CRISPLD2: variants seen among roughly 807,000 people sequenced by gnomAD.
CRISPLD2 encodes the protein cysteine-rich secretory protein LCCL domain-containing 2.
A neutral mutation model predicts 71.1 loss-of-function variants in CRISPLD2; 47 were observed. The ratio of observed to expected loss-of-function variants is 0.66; its 90% CI spans 0.52 to 0.84. The LOEUF (loss-of-function observed/expected upper bound fraction) is 0.84. Among genes scored for constraint, CRISPLD2 ranks in the 40% least tolerant of loss-of-function variants. The probability of loss-of-function intolerance (pLI) is 0.00; values close to 1 mark genes in which losing one functional copy is unlikely to be tolerated. For synonymous variants in CRISPLD2, 317 were observed against 250.1 expected (o/e 1.27, Z -2.52); for missense variants, 830 against 651.1 (o/e 1.27, Z -2.99).
chr16:84,881,028 A>G (rs1270761375), intron 13 of CRISPLD2, among the ~76,000 whole-genome samples: 1 of 152,028 alleles, frequency 6.6e-6, no homozygotes, highest in East Asian at 1.9e-4. Flanking sequence ...AGTTTAGACC[A>G]CTCATTTCTG....
rs1217961484 is a variant in CRISPLD2, at chr16:84,850,552, A to T, written c.493-16A>T. ...CTTATCCCTCGAGCTGTGACACACA[A>T]ATGTCATCTTTTCAGATAGTTTGGG... is the stretch of plus-strand genomic sequence containing the variant. On this transcript the variant is annotated splice_polypyrimidine_tract_variant and intron_variant, in intron 4 of 14. Transcript: ENST00000262424. 1 of 1,609,566 alleles carries T rather than the reference A, an allele frequency of 6.2e-7. No individual in the cohort carries two copies. The highest frequency in any genetic ancestry group is 1.3e-5 in the African/African-American group (1 of 74,948).
At chr16:84,866,716 C>G (rs1230796302) in intron 6 of CRISPLD2, among the ~76,000 whole-genome samples, 181 bp from the exon 7 acceptor site, 1 of 152,200 alleles carries the variant, frequency 6.6e-6, no homozygotes, top group African/African-American at 2.4e-5. Context: ...CTCATCTGGG[C>G]TGGTAGAATT....
At chr16:84,841,416 G>A (rs1302717191) in intron 2 of CRISPLD2, among the ~76,000 whole-genome samples, 1 of 152,244 alleles carries the variant, frequency 6.6e-6, no homozygotes, top group African/African-American at 2.4e-5. Flanking sequence ...CTGAGGGAGT[G>A]AGGCCATTGG....
chr16:84,837,609 G>A (rs1354304928), intron 1 of CRISPLD2, among the ~76,000 whole-genome samples: 1 of 150,444 alleles, frequency 6.6e-6, no homozygotes, highest in Non-Finnish European at 1.5e-5. Context: ...AGTAGAGACA[G>A]GGTTTCATCG....
chr16:84,907,265 A>AGGCCCCCTTCAAT lies in CRISPLD2; in HGVS notation c.*628_*640dup, dbSNP rs909448541. 4.3e-5 allele frequency: 7 copies of AGGCCCCCTTCAAT among 162,354 alleles called. No homozygotes were observed. The highest frequency in any genetic ancestry group is 1.7e-4 in the African/African-American group (7 of 41,666). The allele number at this position is 162,354 out of a possible 1,614,324, so 10.1% of individuals were successfully genotyped here. On this transcript the variant is annotated 3_prime_UTR_variant, in exon 15 of 15. Transcript: ENST00000262424. ...CGTGTCCTTGCTGGCGGCCCGCCAC[A>AGGCCCCCTTCAAT]GGCCCCCTTCAATGGCCGCATTCAG...
rs1256535272 is a variant in CRISPLD2 at position 84,873,278 on chromosome 16, G to A, written c.1112+156G>A. ...GGATCACCTGAGGTCAGGAGTTCAA[G>A]ACCAGCCTGACCAACATGGTGAAAG... On this transcript the variant is annotated intron_variant, in intron 10 of 14. Coordinates refer to ENST00000262424, the MANE Select transcript of CRISPLD2 (RefSeq NM_031476.4). 9 of 703,064 alleles carry A rather than the reference G, an allele frequency of 1.3e-5. 1 individual carries two copies. The highest frequency in any genetic ancestry group is 9.3e-5 in the African/African-American group (5 of 53,614). The allele number at this position is 703,064 out of a possible 1,614,324, so 43.6% of individuals were successfully genotyped here. A position where few individuals can be genotyped will look rare whatever the true frequency, so the allele number is the denominator to read the frequency against.
intron 13 of CRISPLD2, among the ~76,000 whole-genome samples, chr16:84,881,120 C>T (rs2071565197): frequency 6.6e-6 from 1 of 152,172 alleles, no homozygotes; most frequent in African/African-American, 2.4e-5. Context: ...TTCAGGAGTG[C>T]CTGGCCTTAC....
chr16:84,868,573 C>G (rs961847365), intron 7 of CRISPLD2, among the ~76,000 whole-genome samples: 3 of 152,216 alleles, frequency 2.0e-5, no homozygotes, highest in African/African-American at 7.2e-5. Flanking sequence ...CACAAAAGCC[C>G]TTGGAGGTGG....
At chr16:84,842,628 C>T (rs1214123515) in intron 2 of CRISPLD2, among the ~76,000 whole-genome samples, 1 of 152,078 alleles carries the variant, frequency 6.6e-6, no homozygotes, top group Non-Finnish European at 1.5e-5. Context: ...CCCACCTCAG[C>T]CTCCCAAAGT....
At chr16:84,887,743 G>A (rs2071625578) in intron 13 of CRISPLD2, among the ~76,000 whole-genome samples, 1 of 152,194 alleles carries the variant, frequency 6.6e-6, no homozygotes, top group Admixed American at 6.5e-5. Flanking sequence ...AGACGTGGTG[G>A]TGCGTGCCTG....
intron 5 of CRISPLD2, among the ~76,000 whole-genome samples, chr16:84,851,682 A>G (rs1466409379): frequency 6.6e-6 from 1 of 152,234 alleles, no homozygotes; most frequent in East Asian, 1.9e-4. Flanking sequence ...GGAGGGACGC[A>G]GGCACCATGC....
chr16:84,903,742 C>T (rs1597489470), intron 14 of CRISPLD2, among the ~76,000 whole-genome samples: 1 of 152,298 alleles, frequency 6.6e-6, no homozygotes, highest in East Asian at 1.9e-4. Context: ...CATGGGAAAT[C>T]TTATTCCCAA....
chr16:84,897,752 G>C (rs754273374), intron 14 of CRISPLD2, among the ~76,000 whole-genome samples: 4 of 152,190 alleles, frequency 2.6e-5, no homozygotes, highest in Non-Finnish European at 5.9e-5. Context: ...AAGTAGCTGG[G>C]ATTACAGGCA....
At chr16:84,858,892 C>T (rs941139303) in intron 6 of CRISPLD2, among the ~76,000 whole-genome samples, 1 of 151,692 alleles carries the variant, frequency 6.6e-6, no homozygotes, top group Non-Finnish European at 1.5e-5. Flanking sequence ...GCAGCAGGTG[C>T]AATTGGAGTC....
chr16:84,850,119 C>T (rs1281360510), intron 4 of CRISPLD2, among the ~76,000 whole-genome samples: 1 of 147,520 alleles, frequency 6.8e-6, no homozygotes, highest in Non-Finnish European at 1.5e-5. Context: ...GAAACGGAGT[C>T]TCCCTCTGTC....
At chr16:84,838,889 G>C in intron 2 of CRISPLD2, 154 bp downstream of exon 2, 1 of 1,006,004 alleles carries the variant, frequency 9.9e-7, no homozygotes. Context: ...GCTCTGTTCT[G>C]TTTTGTTTGT....
At chr16:84,879,060 A>G (rs812851) in intron 12 of CRISPLD2, among the ~76,000 whole-genome samples, 97,656 of 151,992 alleles carry the variant, frequency 0.64, 32,933 homozygotes, top group East Asian at 0.86. Flanking sequence ...GGAAAGGCCC[A>G]GGAGGGTGAC....
At chr16:84,824,123 T>A (rs1284215501) in intron 1 of CRISPLD2, among the ~76,000 whole-genome samples, 1 of 149,770 alleles carries the variant, frequency 6.7e-6, no homozygotes, top group Non-Finnish European at 1.5e-5. Flanking sequence ...TGATAGTGGG[T>A]GGGTGGGGAG....
chr16:84,865,514 TCTC>T (rs879782090), intron 6 of CRISPLD2, among the ~76,000 whole-genome samples: 2 of 152,176 alleles, frequency 1.3e-5, no homozygotes, highest in African/African-American at 4.8e-5. Context: ...CTCTAGTTAT[TCTC>T]CTTGAAATTG....
Sources: gnomAD v4.1 joint callset for allele counts (sites outside exome capture counted in the v4.1 genomes callset) on GRCh38, gnomAD v4.1.1 for gene constraint, MANE v1.5 for transcripts, NCBI Gene and HGNC (gene_info 2026-07-23, HGNC 2026-07-21) for gene names.